The following CIPC variants were observed in gnomAD, a reference collection of about 807,000 sequenced individuals.
CIPC encodes the protein CLOCK interacting pacemaker, also known as CLOCK-interacting pacemaker.
Under a neutral mutation model 26.7 loss-of-function variants are expected in CIPC, and 12 were observed. That is an observed-to-expected ratio of 0.45 (90% CI 0.29 to 0.73). The LOEUF is 0.73. Ranked by LOEUF, CIPC falls within the 30% of genes least tolerant of loss-of-function variation. The probability of loss-of-function intolerance (pLI) is 0.12; values close to 1 mark genes in which losing one functional copy is unlikely to be tolerated. For missense variants in CIPC, 417 were observed against 486.5 expected (o/e 0.86, Z 1.34); for synonymous variants, 170 against 189.8 (o/e 0.90, Z 0.86).
At chr14:77,106,329 C>T (rs954468412) in intron 2 of CIPC, among the ~76,000 whole-genome samples, 4 of 152,138 alleles carry the variant, frequency 2.6e-5, no homozygotes, top group African/African-American at 9.7e-5. Flanking sequence ...AACAACCCCT[C>T]CCCCCAGTCT....
chr14:77,113,810 T>C lies in CIPC; in HGVS notation c.692T>C (p.Val231Ala). ...GCCGAGGACTCAGCTCTGCAGGGTG[T>C]GCCCTCTCTGGTGGCAGGTGGAAGT... Reference protein sequence around the residue: ...KLAEDSALQGVPSLVAGGSPQ... With the variant: ...KLAEDSALQGAPSLVAGGSPQ... The change falls in exon 4 of 4, where the codon GTG becomes GCG. Residue 231 changes from valine (V) to alanine (A), a missense_variant. Coordinates refer to ENST00000361786, the MANE Select transcript of CIPC (RefSeq NM_033426.3). 6.2e-7 allele frequency: 1 copy of C among 1,614,128 alleles called. No individual in the cohort carries two copies. The highest frequency in any genetic ancestry group is 2.2e-5 in the East Asian group (1 of 44,878).
Position 77,105,757 on chromosome 14 carries a change from A to C in CIPC, c.49A>C (p.Lys17Gln). 1 of 1,614,154 alleles carries C rather than the reference A, an allele frequency of 6.2e-7. No individual in the cohort carries two copies. Among genetic ancestry groups the C allele is most frequent in the Non-Finnish European group, 8.5e-7 (1 of 1,179,986 alleles). ...AGAGAGCCCCAGAAGACTCTCTGCC[A>C]AAGTAGGCAAAGGCACAGAGATGAA... ...SRESPRRLSA[K>Q]VGKGTEMKKV... Residue 17 changes from lysine to glutamine, a missense_variant, in exon 2 of 4, where the codon AAA becomes CAA. Lys to Gln is a moderately conservative substitution (Grantham distance 53). Transcript: ENST00000361786.
chr14:77,113,745 A>G lies in CIPC; in HGVS notation c.627A>G (p.Pro209=). The G allele has an allele frequency of 6.2e-7, 1 of 1,612,926 alleles. No homozygotes were observed. The highest frequency in any genetic ancestry group is 8.5e-7 in the Non-Finnish European group (1 of 1,179,236). The change falls in exon 4 of 4, where the codon CCA becomes CCG. Residue 209 remains proline, a synonymous_variant. Coordinates refer to ENST00000361786, the MANE Select transcript of CIPC (RefSeq NM_033426.3). ...SSEPTKAGAV[P]SSPSTPAPPS... ...AGCCAACCAAGGCTGGTGCTGTCCC[A>G]TCCAGTCCCTCGACGCCAGCACCAC...
chr14:77,106,803 C>T (rs1031053433), intron 2 of CIPC, among the ~76,000 whole-genome samples: 1 of 152,158 alleles, frequency 6.6e-6, no homozygotes, highest in Non-Finnish European at 1.5e-5. Context: ...ATAAATAGAC[C>T]GTTGCTCAAA....
rs1886797840 is a variant in CIPC, at chr14:77,115,668, T to C, written c.*1350T>C. 1 of 152,064 alleles carries C rather than the reference T, an allele frequency of 6.6e-6. No individual in the cohort carries two copies. Among genetic ancestry groups the C allele is most frequent in the African/African-American group, 2.4e-5 (1 of 41,402 alleles). The allele number at this position is 152,064 out of a possible 1,614,324, so 9.4% of individuals were successfully genotyped here. A position where few individuals can be genotyped will look rare whatever the true frequency, so the allele number is the denominator to read the frequency against. On this transcript the variant is annotated 3_prime_UTR_variant, in exon 4 of 4. Transcript: ENST00000361786. ...TTTACAAAATTATCTTAATAAGTTC[T>C]ATATGGTCAGCTTCATCTTCCTTTT...
chr14:77,100,242 T>C (rs1041044662), intron 1 of CIPC, among the ~76,000 whole-genome samples: 9 of 45,278 alleles, frequency 2.0e-4, no homozygotes, highest in East Asian at 2.6e-3. Flanking sequence ...CTTTCTTTCT[T>C]TTTTTTTTTT....
At chr14:77,100,281 AC>A (rs1278479899) in intron 1 of CIPC, among the ~76,000 whole-genome samples, 1 of 129,574 alleles carries the variant, frequency 7.7e-6, no homozygotes, top group Non-Finnish European at 1.5e-5. Context: ...TCACTCTGTC[AC>A]CCAGGCTGGA....
intron 2 of CIPC, among the ~76,000 whole-genome samples, chr14:77,107,542 A>C (rs879674904): frequency 3.3e-5 from 5 of 152,132 alleles, no homozygotes; most frequent in Non-Finnish European, 5.9e-5. Context: ...TTGTAGTTCA[A>C]AAAATTTCAA....
chr14:77,114,424 A>G lies in CIPC; in HGVS notation c.*106A>G. 1 of 1,266,148 alleles carries G rather than the reference A, an allele frequency of 7.9e-7. No individual in the cohort carries two copies. The highest frequency in any genetic ancestry group is 1.1e-6 in the Non-Finnish European group (1 of 910,382). The allele number at this position is 1,266,148 out of a possible 1,614,324, so 78.4% of individuals were successfully genotyped here. A position where few individuals can be genotyped will look rare whatever the true frequency, so the allele number is the denominator to read the frequency against. On this transcript the variant is annotated 3_prime_UTR_variant, in exon 4 of 4. Coordinates refer to ENST00000361786, the MANE Select transcript of CIPC (RefSeq NM_033426.3). ...GTAAGAGCTTTTCCTTCTAAACTTA[A>G]ACTGTGTTGTGGTTCACTTAGGAAG...
chr14:77,113,328 AGC>A, intron 3 of CIPC, 95 bp from the exon 4 acceptor site: 2 of 1,287,288 alleles, frequency 1.6e-6, no homozygotes, highest in Non-Finnish European at 1.1e-6. Context: ...AATTGTTCTA[AGC>A]ATTTGAGTAT....
intron 2 of CIPC, chr14:77,106,187 T>G (rs1255287655): frequency 1.2e-5 from 2 of 170,534 alleles, no homozygotes; most frequent in African/African-American, 2.4e-5. Context: ...GGGGAAAAAT[T>G]GCTACTGCAT....
At chr14:77,103,445 G>A (rs1293428329) in intron 1 of CIPC, among the ~76,000 whole-genome samples, 3 of 152,180 alleles carry the variant, frequency 2.0e-5, no homozygotes, top group African/African-American at 7.2e-5. Flanking sequence ...AGTCAGGAGT[G>A]CATCGTGAAT....
chr14:77,110,063 T>C, intron 3 of CIPC, 82 bp downstream of exon 3: 1 of 1,392,624 alleles, frequency 7.2e-7, no homozygotes. Flanking sequence ...ATTTATATTC[T>C]CTGCCAAGGA....
In CIPC at chr14:77,105,761, T is replaced by C; in HGVS notation, c.53T>C (p.Val18Ala). The part of the protein sequence containing the change: ...RESPRRLSAK[V>A]GKGTEMKKVA... The stretch of plus-strand genomic sequence containing the variant: ...AGCCCCAGAAGACTCTCTGCCAAAG[T>C]AGGCAAAGGCACAGAGATGAAGAAA... Residue 18 changes from valine to alanine, a missense_variant, in exon 2 of 4, where the codon GTA becomes GCA. Transcript: ENST00000361786. 3 of 1,614,126 alleles carry C rather than the reference T, an allele frequency of 1.9e-6. No individual in the cohort carries two copies. The highest frequency in any genetic ancestry group is 2.2e-5 in the South Asian group (2 of 91,082).
In CIPC at chr14:77,107,627, TAC is replaced by T. The variant is rs35968918; in HGVS notation, c.136+1814_136+1815del. On this transcript the variant is annotated intron_variant, in intron 2 of 3. Transcript: ENST00000361786. ...TATGCTTTCTCTCTCTCGCTCTCTT[TAC>T]ACACACACACACACACACACACACA... is the stretch of plus-strand genomic sequence containing the variant. Among the ~76,000 whole-genome samples the T allele has an allele frequency of 7.2e-3, 1,084 of 150,290 alleles. 6 individuals carry two copies. Among genetic ancestry groups the T allele is most frequent in the South Asian group, 0.02 (96 of 4,724 alleles).
At position 77,105,799 on chromosome 14, in the gene CIPC, C is replaced by G. The variant is rs11552006; in HGVS notation, c.91C>G (p.Leu31Val). 9.9e-6 allele frequency: 16 copies of G among 1,614,158 alleles called. 1 individual carries two copies. The highest frequency in any genetic ancestry group is 1.6e-4 in the Middle Eastern group (1 of 6,062). ...AGAGATGAAGAAAGTGGCTCGTCAG[C>G]TTGGGATGGCTGCTGCTGAGTCAGA... ...GTEMKKVARQLGMAAAESDKD... is the reference protein window; with the variant it reads ...GTEMKKVARQVGMAAAESDKD... Residue 31 changes from leucine to valine, a missense_variant, in exon 2 of 4, where the codon CTT (leucine) becomes GTT (valine). Coordinates refer to ENST00000361786, the MANE Select transcript of CIPC (RefSeq NM_033426.3).
intron 1 of CIPC, among the ~76,000 whole-genome samples, chr14:77,102,530 C>T (rs916501391): frequency 6.6e-6 from 1 of 152,146 alleles, no homozygotes; most frequent in African/African-American, 2.4e-5. Context: ...AGAATAAATT[C>T]CTGTGTATTT....
intron 2 of CIPC, 117 bp downstream of exon 2, chr14:77,105,961 C>CCTG: frequency 2.5e-6 from 3 of 1,181,202 alleles, no homozygotes; most frequent in Non-Finnish European, 1.2e-6. Flanking sequence ...AGGATAAATA[C>CCTG]TTACCTGCTT....
rs186375893 is a variant in CIPC at position 77,106,414 on chromosome 14, T to C, written c.136+570T>C. Among the ~76,000 whole-genome samples the C allele has an allele frequency of 1.2e-4, 19 of 152,220 alleles. No individual in the cohort carries two copies. In the East Asian group the frequency reaches 3.5e-3, roughly 28 times the overall value. ...TGAGTATCTATTAGAGATAAGAAAA[T>C]AGAACAGTTTTCCTTACAAGTTTTT... On this transcript the variant is annotated intron_variant, in intron 2 of 3. Transcript: ENST00000361786.
Sources: gnomAD v4.1 joint callset for allele counts (sites outside exome capture counted in the v4.1 genomes callset) on GRCh38, gnomAD v4.1.1 for gene constraint, MANE v1.5 for transcripts, NCBI Gene and HGNC (gene_info 2026-07-23, HGNC 2026-07-21) for gene names.